The following SCFD2 variants were observed in gnomAD, a reference collection of about 807,000 sequenced individuals.
The protein encoded by SCFD2 is sec1 family domain-containing protein 2.
A neutral mutation model predicts 58.9 loss-of-function variants in SCFD2; 54 were observed. The ratio of observed to expected loss-of-function variants is 0.92; its 90% CI spans 0.74 to 1.15. The LOEUF is 1.15. Among genes scored for constraint, SCFD2 ranks in the 50% most tolerant of loss-of-function variants. SCFD2 has a pLI of 0.00. For synonymous variants in SCFD2, 321 were observed against 335.9 expected (o/e 0.96, Z 0.49); for missense variants, 805 against 836.6 (o/e 0.96, Z 0.47).
intron 7 of SCFD2, 106 bp downstream of exon 7, chr4:52,907,351 A>G: frequency 9.0e-7 from 1 of 1,114,238 alleles, no homozygotes; most frequent in South Asian, 1.4e-5. Context: ...AAAATACCAA[A>G]TGTTATCTGT....
chr4:53,159,940 C>CA (rs1032298603), intron 4 of SCFD2, among the ~76,000 whole-genome samples: 7 of 152,002 alleles, frequency 4.6e-5, no homozygotes, highest in African/African-American at 1.7e-4. Flanking sequence ...GAGATATGCA[C>CA]AAAAAAATGC....
chr4:53,135,000 A>G (rs1183877759), intron 5 of SCFD2, among the ~76,000 whole-genome samples: 4 of 152,182 alleles, frequency 2.6e-5, no homozygotes, highest in Admixed American at 1.3e-4. Context: ...TATAGAATCT[A>G]TTTGAAAAAA....
chr4:53,043,197 C>T (rs548776557), intron 5 of SCFD2, among the ~76,000 whole-genome samples: 1 of 152,080 alleles, frequency 6.6e-6, no homozygotes, highest in African/African-American at 2.4e-5. Context: ...ATGCTGAAGG[C>T]AATAGCAAAT....
chr4:53,064,838 C>T (rs1482777764), intron 5 of SCFD2, among the ~76,000 whole-genome samples: 1 of 152,064 alleles, frequency 6.6e-6, no homozygotes, highest in African/African-American at 2.4e-5. Flanking sequence ...CATAAAAAGG[C>T]AGTGACTTCA....
At chr4:53,280,348 T>G (rs1224419212) in intron 3 of SCFD2, among the ~76,000 whole-genome samples, 1 of 152,158 alleles carries the variant, frequency 6.6e-6, no homozygotes, top group Non-Finnish European at 1.5e-5. Context: ...AAACCCCATC[T>G]CTACTGAAAG....
intron 3 of SCFD2, among the ~76,000 whole-genome samples, chr4:53,291,127 G>A (rs965178001): frequency 6.6e-6 from 1 of 151,972 alleles, no homozygotes; most frequent in Non-Finnish European, 1.5e-5. Context: ...ATCTAAACTA[G>A]ACAAAGACAC....
At chr4:53,355,299 A>G (rs1456248424) in intron 1 of SCFD2, among the ~76,000 whole-genome samples, 3 of 152,210 alleles carry the variant, frequency 2.0e-5, no homozygotes, top group Admixed American at 6.5e-5. Context: ...ATCTTGCAGG[A>G]TCATGCAGGG....
At chr4:53,180,882 C>A (rs1319803389) in intron 4 of SCFD2, among the ~76,000 whole-genome samples, 1 of 152,174 alleles carries the variant, frequency 6.6e-6, no homozygotes, top group East Asian at 1.9e-4. Flanking sequence ...CACCTCTACG[C>A]AAATAAACTA....
intron 4 of SCFD2, among the ~76,000 whole-genome samples, chr4:53,241,941 T>A (rs1729907133): frequency 6.6e-6 from 1 of 152,156 alleles, no homozygotes; most frequent in African/African-American, 2.4e-5. Context: ...ACAGAGGACA[T>A]ACAAAGTCCT....
intron 5 of SCFD2, among the ~76,000 whole-genome samples, chr4:53,011,655 C>T (rs1577658215): frequency 6.6e-6 from 1 of 152,184 alleles, no homozygotes; most frequent in African/African-American, 2.4e-5. Context: ...CCATTCTTCT[C>T]ATTTCAAATA....
At chr4:52,951,486 A>G (rs1168937820) in intron 5 of SCFD2, among the ~76,000 whole-genome samples, 1 of 152,226 alleles carries the variant, frequency 6.6e-6, no homozygotes, top group Non-Finnish European at 1.5e-5. Context: ...ACCCTTAGAA[A>G]GACTAACTTA....
chr4:53,214,409 T>C (rs957730654), intron 4 of SCFD2, among the ~76,000 whole-genome samples: 21 of 152,174 alleles, frequency 1.4e-4, no homozygotes, highest in East Asian at 5.8e-4. Flanking sequence ...TGGCCACTGA[T>C]GATGAGCATT....
At chr4:52,933,693 C>G (rs1333748178) in intron 5 of SCFD2, among the ~76,000 whole-genome samples, 2 of 152,142 alleles carry the variant, frequency 1.3e-5, no homozygotes, top group African/African-American at 4.8e-5. Context: ...TTCCCAGAAA[C>G]AGCAAGGGAT....
intron 5 of SCFD2, among the ~76,000 whole-genome samples, chr4:53,029,283 T>A (rs1722558237): frequency 6.6e-6 from 1 of 152,240 alleles, no homozygotes. Flanking sequence ...TTGCTTTTCC[T>A]TAACTTTGTT....
intron 3 of SCFD2, among the ~76,000 whole-genome samples, chr4:53,304,057 C>G (rs1732431183): frequency 6.6e-6 from 1 of 151,026 alleles, no homozygotes; most frequent in African/African-American, 2.4e-5. Flanking sequence ...ATATATGTAA[C>G]AAACCTGCAC....
intron 5 of SCFD2, among the ~76,000 whole-genome samples, chr4:53,097,054 G>C (rs900115058): frequency 6.6e-6 from 1 of 152,116 alleles, no homozygotes; most frequent in Non-Finnish European, 1.5e-5. Context: ...TGAGGGATCT[G>C]TTCTGTTCCA....
chr4:53,250,270 A>C (rs554089690), intron 4 of SCFD2, among the ~76,000 whole-genome samples: 1 of 152,308 alleles, frequency 6.6e-6, no homozygotes, highest in South Asian at 2.1e-4. Flanking sequence ...ATATATATGC[A>C]CCCAATATAG....
At chr4:52,884,043 G>A (rs1718679331) in intron 8 of SCFD2, among the ~76,000 whole-genome samples, 1 of 152,170 alleles carries the variant, frequency 6.6e-6, no homozygotes, top group African/African-American at 2.4e-5. Context: ...TACCAGGCCA[G>A]TTCTCTTGGA....
chr4:53,346,337 C>T (rs9990547), intron 2 of SCFD2, among the ~76,000 whole-genome samples: 27,828 of 148,568 alleles, frequency 0.19, 2,898 homozygotes, highest in Non-Finnish European at 0.24. Flanking sequence ...TGCAATGGCG[C>T]GATCTCTGCT....
Sources: allele counts gnomAD v4.1 joint callset (sites outside exome capture counted in the v4.1 genomes callset), GRCh38; gene constraint gnomAD v4.1.1; transcripts MANE v1.5; gene names NCBI Gene and HGNC (gene_info 2026-07-23, HGNC 2026-07-21).